Variants in NRG1 observed in about 807,000 individuals in gnomAD.
NRG1 encodes the protein neuregulin 1, also known as pro-neuregulin-1, membrane-bound isoform.
In NRG1, 18 loss-of-function variants were observed where a neutral mutation model predicts 63.8. The ratio of observed to expected loss-of-function variants is 0.28; its 90% CI spans 0.19 to 0.42. NRG1 has a LOEUF of 0.42. Ranked by LOEUF, NRG1 falls within the 10% of genes least tolerant of loss-of-function variation. NRG1 has a pLI of 1.00. For missense variants in NRG1, 762 were observed against 814.7 expected, an observed-to-expected ratio of 0.94 and a Z score of 0.79; for synonymous variants, 302 against 301.3, an observed-to-expected ratio of 1.00 and a Z score of -0.02.
intron 1 of NRG1, among the ~76,000 whole-genome samples, chr8:32,055,094 T>C (rs1462893710): frequency 5.9e-5 from 9 of 151,858 alleles, no homozygotes. Context: ...TTCAGTATAT[T>C]GGCCAGGCTG....
chr8:32,171,523 CAGCATGAGCCAA>C (rs1341643719), intron 1 of NRG1: 1 of 152,282 alleles, frequency 6.6e-6, no homozygotes, highest in Non-Finnish European at 1.5e-5. Context: ...GCAGCGCACC[CAGCATGAGCCAA>C]AGCAGGGAGA....
chr8:32,647,842 A>G (rs1405319053), intron 5 of NRG1: 1 of 1,613,984 alleles, frequency 6.2e-7, no homozygotes, highest in Non-Finnish European at 8.5e-7. Flanking sequence ...CCAGAGCCCC[A>G]GACTGAAGAT....
chr8:31,820,855 C>G (rs1823936353), intron 1 of NRG1, among the ~76,000 whole-genome samples: 1 of 152,094 alleles, frequency 6.6e-6, no homozygotes, highest in Non-Finnish European at 1.5e-5. Flanking sequence ...AGCATTAAGG[C>G]CTTCCAAAGG....
intron 1 of NRG1, among the ~76,000 whole-genome samples, chr8:31,649,504 A>G (rs1174921447): frequency 6.6e-6 from 1 of 152,220 alleles, no homozygotes; most frequent in Non-Finnish European, 1.5e-5. Flanking sequence ...CATTAACAAG[A>G]AGCAAAAGTT....
intron 6 of NRG1, among the ~76,000 whole-genome samples, chr8:32,730,698 A>G (rs1823422011): frequency 6.6e-6 from 1 of 152,196 alleles, no homozygotes; most frequent in Admixed American, 6.5e-5. Context: ...CATATTTATC[A>G]TAGCAAATTG....
chr8:32,767,906 T>C (rs551205874), exon 12 of NRG1: 22 of 152,300 alleles, frequency 1.4e-4, no homozygotes, highest in Admixed American at 5.2e-4. Context: ...TATTTAAAGT[T>C]TTGTCCATTT....
chr8:31,988,749 C>T (rs925544200), intron 1 of NRG1, among the ~76,000 whole-genome samples: 1 of 152,008 alleles, frequency 6.6e-6, no homozygotes, highest in South Asian at 2.1e-4. Context: ...CTGCATATCA[C>T]AAAAGTGGAG....
At chr8:31,916,186 C>T (rs976990785) in intron 1 of NRG1, among the ~76,000 whole-genome samples, 3 of 152,056 alleles carry the variant, frequency 2.0e-5, no homozygotes, top group Admixed American at 6.6e-5. Flanking sequence ...AGGCTTAGTA[C>T]ATTTTAGACC....
intron 1 of NRG1, chr8:32,063,010 G>A (rs1824143328): frequency 6.6e-6 from 1 of 152,118 alleles, no homozygotes; most frequent in African/African-American, 2.4e-5. Context: ...TGCACTGTAT[G>A]TAATAAAAGC....
intron 1 of NRG1, among the ~76,000 whole-genome samples, chr8:32,214,257 G>A (rs550763772): frequency 2.5e-4 from 38 of 152,194 alleles, no homozygotes; most frequent in African/African-American, 8.7e-4. Flanking sequence ...CCAAAGTGGC[G>A]TATTTTGGGG....
intron 1 of NRG1, among the ~76,000 whole-genome samples, chr8:31,850,469 G>A (rs796087178): frequency 9.2e-5 from 14 of 152,268 alleles, no homozygotes; most frequent in African/African-American, 3.4e-4. Context: ...AAAACAAGAG[G>A]AACTTTGTTA....
chr8:32,451,129 T>C lies in NRG1; in HGVS notation c.38-144699T>C, dbSNP rs1445747454. On this transcript the variant is annotated intron_variant, in intron 1 of 10. Transcript: ENST00000519301. ...ATAATAATTATAATTTTTCTCAAACTTCCCAAAAGTGGAACATTGTGGGAA... is the reference window on the plus strand; with the variant it reads ...ATAATAATTATAATTTTTCTCAAACCTCCCAAAAGTGGAACATTGTGGGAA... Among the ~76,000 whole-genome samples the C allele has an allele frequency of 2.0e-5, 3 of 152,222 alleles. No individual in the cohort carries two copies. The East Asian group carries it at 5.8e-4, about 29-fold the overall frequency.
chr8:32,600,961 G>T (rs1844243979), intron 2 of NRG1, among the ~76,000 whole-genome samples: 1 of 151,992 alleles, frequency 6.6e-6, no homozygotes, highest in Non-Finnish European at 1.5e-5. Context: ...GTATCTTACA[G>T]AAAAGAAAAA....
At chr8:32,264,811 AG>A (rs199562914) in intron 1 of NRG1, among the ~76,000 whole-genome samples, 2 of 152,072 alleles carry the variant, frequency 1.3e-5, no homozygotes, top group Non-Finnish European at 2.9e-5. Context: ...GTGAGGCCAC[AG>A]GAAAAAAAAA....
chr8:32,055,101 G>T (rs1423931824), intron 1 of NRG1, among the ~76,000 whole-genome samples: 1 of 151,566 alleles, frequency 6.6e-6, no homozygotes, highest in African/African-American at 2.4e-5. Context: ...TATTGGCCAG[G>T]CTGGTCTCAA....
chr8:32,385,106 G>A (rs920051572), intron 1 of NRG1, among the ~76,000 whole-genome samples: 2 of 152,074 alleles, frequency 1.3e-5, no homozygotes, highest in Non-Finnish European at 2.9e-5. Flanking sequence ...TGCAAGCTCC[G>A]CCTCCCAGGT....
chr8:32,403,316 A>AAAAG (rs1563415216), intron 1 of NRG1, among the ~76,000 whole-genome samples: 1 of 151,208 alleles, frequency 6.6e-6, no homozygotes, highest in African/African-American at 2.4e-5. Context: ...AAAAAAAAAA[A>AAAAG]AAAGAAAGAA....
intron 1 of NRG1, among the ~76,000 whole-genome samples, chr8:32,575,475 T>C (rs976054196): frequency 3.9e-5 from 6 of 152,030 alleles, no homozygotes; most frequent in African/African-American, 1.4e-4. Flanking sequence ...CTAAACTTTG[T>C]AGTGGGCTGG....
upstream of NRG1, among the ~76,000 whole-genome samples, chr8:32,543,372 G>T (rs1017698259): frequency 2.0e-5 from 3 of 151,868 alleles, no homozygotes; most frequent in African/African-American, 7.3e-5. Context: ...CTAAATTAAG[G>T]GTGCATTGCC....
Sources: allele counts gnomAD v4.1 joint callset (sites outside exome capture counted in the v4.1 genomes callset), GRCh38; gene constraint gnomAD v4.1.1; transcripts MANE v1.5; gene names NCBI Gene and HGNC (gene_info 2026-07-23, HGNC 2026-07-21).